FRMD5: variants seen among roughly 807,000 people sequenced by gnomAD.
FRMD5 encodes FERM domain-containing protein 5.
Under a neutral mutation model 69.0 loss-of-function variants are expected in FRMD5, and 20 were observed. That is an observed-to-expected ratio of 0.29 (90% confidence interval 0.20 to 0.42). The LOEUF is 0.42. Ranked by LOEUF, FRMD5 falls within the 10% of genes least tolerant of loss-of-function variation. The probability of loss-of-function intolerance (pLI) is 1.00; values close to 1 mark genes in which losing one functional copy is unlikely to be tolerated. For missense variants in FRMD5, 595 were observed against 708.6 expected, an observed-to-expected ratio of 0.84 and a Z score of 1.82; for synonymous variants, 271 against 260.1, an observed-to-expected ratio of 1.04 and a Z score of -0.40.
chr15:44,056,597 A>C (rs1892878740), intron 1 of FRMD5, among the ~76,000 whole-genome samples: 1 of 152,188 alleles, frequency 6.6e-6, no homozygotes, highest in Non-Finnish European at 1.5e-5. Flanking sequence ...CAATAGTCTA[A>C]AGAGTGTCAG....
intron 1 of FRMD5, among the ~76,000 whole-genome samples, chr15:43,940,773 G>A (rs1019827190): frequency 6.6e-6 from 1 of 152,178 alleles, no homozygotes; most frequent in African/African-American, 2.4e-5. Context: ...CCAATTTGAA[G>A]AGGGGCGTGA....
intron 1 of FRMD5, among the ~76,000 whole-genome samples, chr15:44,057,914 A>C (rs188034518): frequency 2.4e-4 from 36 of 152,344 alleles, no homozygotes; most frequent in Non-Finnish European, 4.3e-4. Flanking sequence ...AACCCATTAG[A>C]AAATGGGTCA....
intron 1 of FRMD5, among the ~76,000 whole-genome samples, chr15:44,158,155 G>T (rs2077556262): frequency 6.6e-6 from 1 of 152,172 alleles, no homozygotes; most frequent in African/African-American, 2.4e-5. Context: ...TAGAGCCTCT[G>T]TCTCACCCTC....
intron 1 of FRMD5, among the ~76,000 whole-genome samples, chr15:44,055,069 CAAA>C (rs1024472194): frequency 3.9e-4 from 22 of 56,238 alleles, no homozygotes; most frequent in South Asian, 1.8e-3. Context: ...GACTCTGTCT[CAAA>C]AAAAAAAAAA....
chr15:44,095,276 C>T (rs1193306532), intron 1 of FRMD5, among the ~76,000 whole-genome samples: 1 of 151,012 alleles, frequency 6.6e-6, no homozygotes, highest in Non-Finnish European at 1.5e-5. Flanking sequence ...AACTGTGGTT[C>T]ACTGCACCCT....
rs776280883 is a variant in FRMD5, at chr15:43,991,465, C to T, written c.103-67156G>A. On this transcript the variant is annotated intron_variant, in intron 1 of 13. Coordinates refer to ENST00000417257, the MANE Select transcript of FRMD5 (RefSeq NM_032892.5). ...TTTGCTGCTGCTGCTACTGCTGCTGCTGCATTCTGTGCCCTCAGACAGTAC... is the reference window on the plus strand; with the variant it reads ...TTTGCTGCTGCTGCTACTGCTGCTGTTGCATTCTGTGCCCTCAGACAGTAC... 1.6e-4 allele frequency among the ~76,000 whole-genome samples: 25 copies of T among 152,208 alleles called. 1 individual carries two copies. The highest frequency in any genetic ancestry group is 3.3e-4 in the Admixed American group (5 of 15,278).
intron 1 of FRMD5, among the ~76,000 whole-genome samples, chr15:44,138,118 C>T (rs1012818475): frequency 2.6e-5 from 4 of 152,118 alleles, no homozygotes; most frequent in South Asian, 4.2e-4. Context: ...AACTGTCATT[C>T]GAGTTAAGCT....
chr15:43,994,590 C>A (rs1209262175), intron 1 of FRMD5, among the ~76,000 whole-genome samples: 3 of 151,790 alleles, frequency 2.0e-5, no homozygotes, highest in Non-Finnish European at 4.4e-5. Flanking sequence ...GCCACCACAC[C>A]CAGCTAATTT....
rs561932138 is a variant in FRMD5 at position 44,155,842 on chromosome 15, G to A, written c.102+39111C>T. Among the ~76,000 whole-genome samples the A allele has an allele frequency of 1.1e-3, 168 of 151,912 alleles. 1 individual carries two copies. Among genetic ancestry groups the A allele is most frequent in the Admixed American group, 2.3e-3 (35 of 15,270 alleles). ...ACTCCTGACCTCAAGTGATCCGCCC[G>A]CCTCAGCCTTCCAAAGTGCTGGGAT... On this transcript the variant is annotated intron_variant, in intron 1 of 13. Transcript: ENST00000417257.
chr15:44,029,131 G>A (rs1891566280), intron 1 of FRMD5, among the ~76,000 whole-genome samples: 1 of 152,188 alleles, frequency 6.6e-6, no homozygotes, highest in South Asian at 2.1e-4. Flanking sequence ...AGCTATGATA[G>A]AAATACCAGG....
intron 1 of FRMD5, among the ~76,000 whole-genome samples, chr15:44,082,845 CAAGCATAATTCCTATTATGAT>C (rs1175613060): frequency 6.6e-6 from 1 of 151,964 alleles, no homozygotes; most frequent in Non-Finnish European, 1.5e-5. Flanking sequence ...CTCCTTGGAA[CAAGCATAATTCCTATTATGAT>C]AAGCACTTTG....
intron 1 of FRMD5, among the ~76,000 whole-genome samples, chr15:44,003,306 G>C (rs1324402084): frequency 6.6e-6 from 1 of 152,100 alleles, no homozygotes; most frequent in Non-Finnish European, 1.5e-5. Context: ...TAGTCTCCCT[G>C]CCTCTACCCT....
intron 10 of FRMD5, 143 bp from the exon 11 acceptor site, chr15:43,885,898 A>G: frequency 2.9e-6 from 2 of 680,570 alleles, no homozygotes; most frequent in Admixed American, 2.2e-5. Flanking sequence ...TCTGACTCTC[A>G]TTTAGGATCT....
chr15:44,148,423 C>T (rs1302470590), intron 1 of FRMD5, among the ~76,000 whole-genome samples: 5 of 152,140 alleles, frequency 3.3e-5, no homozygotes, highest in Admixed American at 2.6e-4. Flanking sequence ...AGGCGCCCGC[C>T]ACAACGCCCG....
intron 1 of FRMD5, among the ~76,000 whole-genome samples, chr15:43,939,102 C>G (rs1024355920): frequency 6.6e-6 from 1 of 152,004 alleles, no homozygotes; most frequent in African/African-American, 2.4e-5. Flanking sequence ...AACCCCTGAC[C>G]TCAGGTGATC....
At chr15:43,875,827 T>TC (rs2088335354) in intron 13 of FRMD5, 1 of 401,118 alleles carries the variant, frequency 2.5e-6, no homozygotes, top group Non-Finnish European at 4.6e-6. Context: ...TTTTTTTTTT[T>TC]CTTTCAGTCT....
chr15:43,946,704 C>T lies in FRMD5; in HGVS notation c.103-22395G>A, dbSNP rs533226381. ...GAAGAAGTTTAATGAAAGAGTTCTGCTAGATGGGGCAGTGGGTTCCCAGGA... is the reference window on the plus strand; with the variant it reads ...GAAGAAGTTTAATGAAAGAGTTCTGTTAGATGGGGCAGTGGGTTCCCAGGA... On this transcript the variant is annotated intron_variant, in intron 1 of 13. Transcript: ENST00000417257. Among the ~76,000 whole-genome samples the T allele has an allele frequency of 2.0e-5, 3 of 152,234 alleles. No homozygotes were observed. In the South Asian group the frequency reaches 6.2e-4, roughly 32 times the overall value.
chr15:44,076,863 T>C (rs1186092887), intron 1 of FRMD5, among the ~76,000 whole-genome samples: 1 of 151,972 alleles, frequency 6.6e-6, no homozygotes. Flanking sequence ...CTTATAGTCA[T>C]CTCTCAGTCT....
At chr15:43,981,807 T>C (rs150625290) in intron 1 of FRMD5, among the ~76,000 whole-genome samples, 13 of 152,352 alleles carry the variant, frequency 8.5e-5, no homozygotes, top group African/African-American at 2.9e-4. Context: ...CTCCATCGAG[T>C]TGTCTTCTGT....
Sources: allele counts gnomAD v4.1 joint callset (sites outside exome capture counted in the v4.1 genomes callset), GRCh38; gene constraint gnomAD v4.1.1; transcripts MANE v1.5; gene names NCBI Gene and HGNC (gene_info 2026-07-23, HGNC 2026-07-21).